Variants in UNC13C observed in about 807,000 individuals in gnomAD.
The protein encoded by UNC13C is protein unc-13 homolog C.
Under a neutral mutation model 245.4 loss-of-function variants are expected in UNC13C, and 174 were observed. That is an observed-to-expected ratio of 0.71 (90% CI 0.63 to 0.80). The LOEUF is 0.80. UNC13C is among the 30% of genes least tolerant of loss of function. UNC13C has a pLI of 0.00. For missense variants in UNC13C, 2,829 were observed against 2,602.9 expected, an observed-to-expected ratio of 1.09 and a Z score of -1.89; for synonymous variants, 992 against 895.1, an observed-to-expected ratio of 1.11 and a Z score of -1.93.
intron 11 of UNC13C, among the ~76,000 whole-genome samples, chr15:54,295,305 G>A (rs753291868): frequency 3.3e-5 from 5 of 152,148 alleles, no homozygotes; most frequent in African/African-American, 9.7e-5. Flanking sequence ...GGTCGAGGCA[G>A]TAAAGTTGTA....
At chr15:54,275,633 A>G (rs759979907) in intron 10 of UNC13C, among the ~76,000 whole-genome samples, 14 of 152,140 alleles carry the variant, frequency 9.2e-5, no homozygotes, top group Non-Finnish European at 1.8e-4. Flanking sequence ...TTATAATAAT[A>G]CACTTCTAGT....
chr15:54,479,386 A>G (rs1242025167), intron 19 of UNC13C, among the ~76,000 whole-genome samples: 1 of 152,032 alleles, frequency 6.6e-6, no homozygotes, highest in Non-Finnish European at 1.5e-5. Context: ...GTCTGCTATT[A>G]GTTATTCCTG....
chr15:53,956,921 T>C, the UNC13C span, among the ~76,000 whole-genome samples: 2 of 135,840 alleles, frequency 1.5e-5, no homozygotes, highest in African/African-American at 5.1e-5. Context: ...CACACATCCA[T>C]GTGTGTAAAA....
Position 54,415,020 on chromosome 15 carries a change from A to G in UNC13C, c.4886A>G (p.Glu1629Gly). ...QELNMGKISA[E>G]IMWTLFALDM... Reference sequence around the variant, plus strand: ...CTGAACATGGGAAAAATAAGTGCCGAAATTATGTGGACTCTTTTTGCTCTG... The same window carrying G: ...CTGAACATGGGAAAAATAAGTGCCGGAATTATGTGGACTCTTTTTGCTCTG... Residue 1629 changes from glutamate to glycine, a missense_variant, in exon 19 of 33, where the codon GAA becomes GGA. Coordinates refer to ENST00000260323, the MANE Select transcript of UNC13C (RefSeq NM_001080534.3). The G allele has an allele frequency of 6.2e-7, 1 of 1,612,988 alleles. No individual in the cohort carries two copies.
the UNC13C span, among the ~76,000 whole-genome samples, chr15:53,937,263 C>G: frequency 7.4e-6 from 1 of 134,492 alleles, no homozygotes; most frequent in Non-Finnish European, 1.6e-5. Context: ...GCAGAATAGG[C>G]CATGCAGAGG....
At chr15:54,463,862 A>T (rs1297778446) in intron 19 of UNC13C, among the ~76,000 whole-genome samples, 1 of 152,196 alleles carries the variant, frequency 6.6e-6, no homozygotes, top group Non-Finnish European at 1.5e-5. Context: ...TAATGACATG[A>T]CAGAGGGTAA....
intron 2 of UNC13C, among the ~76,000 whole-genome samples, chr15:54,119,980 A>C (rs1004466685): frequency 6.6e-6 from 1 of 152,180 alleles, no homozygotes; most frequent in South Asian, 2.1e-4. Context: ...ATGGAGTTAA[A>C]GGAAAAAGCT....
At chr15:54,074,706 G>A (rs1898502925) in intron 2 of UNC13C, among the ~76,000 whole-genome samples, 1 of 152,130 alleles carries the variant, frequency 6.6e-6, no homozygotes, top group Non-Finnish European at 1.5e-5. Context: ...GAATGCTTGT[G>A]ATTTTTGCAC....
At chr15:53,967,255 T>A in the UNC13C span, among the ~76,000 whole-genome samples, 2 of 152,136 alleles carry the variant, frequency 1.3e-5, no homozygotes, top group African/African-American at 4.8e-5. Context: ...CTGTAGCAAC[T>A]TTGTATGGAT....
chr15:54,490,658 C>CT lies in UNC13C; in HGVS notation c.4934-3936dup, dbSNP rs112020160. Reference sequence around the variant, plus strand: ...ATTGCAAGGGACAGGGATTGGGAAACTTTTTTTTTTTTTTAATGGCATGGC... The same window carrying CT: ...ATTGCAAGGGACAGGGATTGGGAAACTTTTTTTTTTTTTTTAATGGCATGGC... On this transcript the variant is annotated intron_variant, in intron 19 of 32. Transcript: ENST00000260323. 4.4e-3 allele frequency among the ~76,000 whole-genome samples: 627 copies of CT among 141,950 alleles called. 3 individuals carry two copies. The highest frequency in any genetic ancestry group is 0.011 in the African/African-American group (437 of 38,786). The allele number at this position is 141,950 out of a possible 152,430, so 93.1% of individuals were successfully genotyped here. A position where few individuals can be genotyped will look rare whatever the true frequency, so the allele number is the denominator to read the frequency against.
At chr15:53,838,292 CCACT>C in the UNC13C span, among the ~76,000 whole-genome samples, 2 of 152,060 alleles carry the variant, frequency 1.3e-5, no homozygotes, top group Admixed American at 6.6e-5. Flanking sequence ...ATCTTTCATG[CCACT>C]CACTCATTCA....
intron 20 of UNC13C, among the ~76,000 whole-genome samples, chr15:54,498,487 T>C (rs1894052811): frequency 6.6e-6 from 1 of 152,122 alleles, no homozygotes; most frequent in African/African-American, 2.4e-5. Context: ...TAAGTGCTAA[T>C]AAAATATGGC....
chr15:54,541,445 G>A (rs1315604897), intron 26 of UNC13C, among the ~76,000 whole-genome samples: 1 of 152,062 alleles, frequency 6.6e-6, no homozygotes. Context: ...CTGTGAAACA[G>A]GTTTAATTCA....
chr15:54,463,776 A>G (rs1008482630), intron 19 of UNC13C, among the ~76,000 whole-genome samples: 4 of 152,122 alleles, frequency 2.6e-5, no homozygotes, highest in Non-Finnish European at 5.9e-5. Flanking sequence ...CAAAATGAAA[A>G]CCAGATCAAG....
In UNC13C at chr15:54,083,708, G is replaced by A. The variant is rs531408474; in HGVS notation, c.2984-59310G>A. On this transcript the variant is annotated intron_variant, in intron 2 of 32. Coordinates refer to ENST00000260323, the MANE Select transcript of UNC13C (RefSeq NM_001080534.3). ...CTGCACTCCCTCCTCCCTTGGGGCA[G>A]CCTACACCAAGGGTTAGATCTCTAG... Among the ~76,000 whole-genome samples, 3 of 152,250 alleles carry A rather than the reference G, an allele frequency of 2.0e-5. No homozygotes were observed. The East Asian group carries it at 5.8e-4, about 29-fold the overall frequency.
chr15:54,624,447 A>T (rs1011853851), intron 32 of UNC13C, among the ~76,000 whole-genome samples: 1 of 152,144 alleles, frequency 6.6e-6, no homozygotes, highest in Non-Finnish European at 1.5e-5. Context: ...CAAGTCTGGG[A>T]TATTTAAGAA....
chr15:53,985,180 G>A (rs776319638), intron 1 of UNC13C, among the ~76,000 whole-genome samples: 3 of 151,850 alleles, frequency 2.0e-5, no homozygotes, highest in Non-Finnish European at 2.9e-5. Context: ...TCCCACTTAT[G>A]AGTGAGAGCA....
the UNC13C span, chr15:53,914,537 G>C: frequency 6.6e-6 from 1 of 152,284 alleles, no homozygotes; most frequent in Non-Finnish European, 1.5e-5. Context: ...CCCAGAGAAA[G>C]AGTTAAGCTG....
At chr15:54,594,170 G>T (rs1462830906) in intron 30 of UNC13C, among the ~76,000 whole-genome samples, 3 of 152,166 alleles carry the variant, frequency 2.0e-5, no homozygotes, top group South Asian at 4.1e-4. Context: ...GAGTCTTGTG[G>T]TGTGAACCAT....
Sources: allele counts gnomAD v4.1 joint callset (sites outside exome capture counted in the v4.1 genomes callset), GRCh38; gene constraint gnomAD v4.1.1; transcripts MANE v1.5; gene names NCBI Gene and HGNC (gene_info 2026-07-23, HGNC 2026-07-21).